PRPF40B: variants seen among roughly 807,000 people sequenced by gnomAD.
PRPF40B encodes the protein pre-mRNA processing factor 40B, also known as pre-mRNA-processing factor 40 homolog B.
PRPF40B carries 56 observed loss-of-function variants against 124.5 expected under a neutral mutation model. The ratio of observed to expected loss-of-function variants is 0.45; its 90% CI spans 0.36 to 0.56. The LOEUF (loss-of-function observed/expected upper bound fraction) is 0.56. PRPF40B is among the 20% of genes least tolerant of loss of function. The probability of loss-of-function intolerance (pLI) is 0.00; values close to 1 mark genes in which losing one functional copy is unlikely to be tolerated. For missense variants in PRPF40B, 1,053 were observed against 1,169.5 expected (o/e 0.90, Z 1.45); for synonymous variants, 443 against 426.4 (o/e 1.04, Z -0.48).
Position 49,642,691 on chromosome 12 carries a change from C to T in PRPF40B, c.2118+16C>T. The T allele has an allele frequency of 1.9e-6, 3 of 1,611,452 alleles. No homozygotes were observed. The highest frequency in any genetic ancestry group is 2.5e-6 in the Non-Finnish European group (3 of 1,178,650). ...GGTGCTGGAGGTGAGGCAGGCTTGT[C>T]CTCTGGATCTGCCTCAGGCCCTTGA... On this transcript the variant is annotated intron_variant, in intron 21 of 25. Coordinates refer to ENST00000548825, the MANE Select transcript of PRPF40B (RefSeq NM_001031698.3). This position sits in a 1 kb window ranked among gnomAD's most constrained non-coding sequence, Gnocchi z 5.8.
intron 4 of PRPF40B, chr12:49,632,213 T>C (rs1941291839): frequency 1.7e-6 from 1 of 587,956 alleles, no homozygotes; most frequent in Admixed American, 3.0e-5. Context: ...GACACATGAA[T>C]ATAGTTCTTC....
chr12:49,643,518 TAGAA>T lies in PRPF40B; in HGVS notation c.2380+126_2380+129del, dbSNP rs1433979779. The T allele has an allele frequency of 4.8e-4, 678 of 1,405,030 alleles. 2 individuals are homozygous for T. Among genetic ancestry groups the T allele is most frequent in the Non-Finnish European group, 1.0e-4 (107 of 1,042,242 alleles). The allele number at this position is 1,405,030 out of a possible 1,614,324, so 87.0% of individuals were successfully genotyped here. On this transcript the variant is annotated intron_variant, in intron 23 of 25. Coordinates refer to ENST00000548825, the MANE Select transcript of PRPF40B (RefSeq NM_001031698.3). ...ATTGGGAGGGCTGCACCTGTGGAAG[TAGAA>T]AGAACTTCCTCTACCTGCCCAAGCA...
intron 18 of PRPF40B, chr12:49,639,587 G>A (rs564183205): frequency 1.3e-5 from 2 of 152,272 alleles, no homozygotes; most frequent in Non-Finnish European, 2.9e-5. Context: ...GGGGGGATTT[G>A]GTGCTGCTTC....
intron 23 of PRPF40B, 117 bp from the exon 24 acceptor site, chr12:49,643,574 T>G (rs766116754): frequency 4.3e-5 from 59 of 1,379,420 alleles, no homozygotes; most frequent in Non-Finnish European, 5.8e-5. Context: ...AAACTGGACT[T>G]AGACTTCCTC....
In PRPF40B at chr12:49,631,356, G is replaced by A. The variant is rs759590938; in HGVS notation, c.85-45G>A. On this transcript the variant is annotated intron_variant, in intron 2 of 25. Transcript: ENST00000548825. This position sits in a 1 kb window ranked among gnomAD's most constrained non-coding sequence, Gnocchi z 4.3. ...ACAGGTCCTCTCTACCTCTGACAAG[G>A]CGATGTCTTCCCTGCTCAGTATCTC... is the stretch of plus-strand genomic sequence containing the variant. The A allele has an allele frequency of 7.0e-7, 1 of 1,420,750 alleles. No homozygotes were observed. Among genetic ancestry groups the A allele is most frequent in the Admixed American group, 2.6e-5 (1 of 38,350 alleles). 88.0% of individuals were successfully genotyped at this position (1,420,750 alleles called of 1,614,324 possible).
In PRPF40B at chr12:49,630,526, C is replaced by T; in HGVS notation, c.4-19C>T. The T allele has an allele frequency of 1.5e-6, 2 of 1,302,724 alleles. No homozygotes were observed. The highest frequency in any genetic ancestry group is 2.2e-6 in the Non-Finnish European group (2 of 918,704). 80.7% of individuals were successfully genotyped at this position (1,302,724 alleles called of 1,614,324 possible). A position where few individuals can be genotyped will look rare whatever the true frequency, so the allele number is the denominator to read the frequency against. ...TCTGTGCCCATCCTGGGTCCTATGA[C>T]TTTTCTCTCCCTCAACAGTCGGTTC... On this transcript the variant is annotated intron_variant, in intron 1 of 25. Coordinates refer to ENST00000548825, the MANE Select transcript of PRPF40B (RefSeq NM_001031698.3).
At chr12:49,632,946 C>A in intron 6 of PRPF40B, 66 bp downstream of exon 6, 1 of 1,610,652 alleles carries the variant, frequency 6.2e-7, no homozygotes, top group Non-Finnish European at 8.5e-7. Context: ...ATAGTTAAAT[C>A]TTTGGGGTGA....
Position 49,631,599 on chromosome 12 carries a change from G to C in PRPF40B, c.228+55G>C, listed in dbSNP as rs1405546736. On this transcript the variant is annotated intron_variant, in intron 3 of 25. Coordinates refer to ENST00000548825, the MANE Select transcript of PRPF40B (RefSeq NM_001031698.3). This position sits in a 1 kb window ranked among gnomAD's most constrained non-coding sequence, Gnocchi z 4.3. Reference sequence around the variant, plus strand: ...GAAAACCCTGTCAGTTTAGCTGGGGGTGGAGATAAGAGCGGGCATGTAGGC... The same window carrying C: ...GAAAACCCTGTCAGTTTAGCTGGGGCTGGAGATAAGAGCGGGCATGTAGGC... 7 of 1,519,602 alleles carry C rather than the reference G, an allele frequency of 4.6e-6. No homozygotes were observed. In the Admixed American group the frequency reaches 1.6e-4, roughly 34 times the overall value. The allele number at this position is 1,519,602 out of a possible 1,614,324, so 94.1% of individuals were successfully genotyped here. A position where few individuals can be genotyped will look rare whatever the true frequency, so the allele number is the denominator to read the frequency against.
intron 18 of PRPF40B, 168 bp from the exon 19 acceptor site, chr12:49,641,740 G>A: frequency 1.6e-6 from 1 of 606,548 alleles, no homozygotes; most frequent in Admixed American, 2.9e-5. Flanking sequence ...GGGCTTAATT[G>A]TCAAGTGATG....
Position 49,631,316 on chromosome 12 carries a change from G to A in PRPF40B, c.85-85G>A. 2 of 975,218 alleles carry A rather than the reference G, an allele frequency of 2.1e-6. No homozygotes were observed. Among genetic ancestry groups the A allele is most frequent in the Non-Finnish European group, 3.0e-6 (2 of 671,422 alleles). 60.4% of individuals were successfully genotyped at this position (975,218 alleles called of 1,614,324 possible). A position where few individuals can be genotyped will look rare whatever the true frequency, so the allele number is the denominator to read the frequency against. On this transcript the variant is annotated intron_variant, in intron 2 of 25. Coordinates refer to ENST00000548825, the MANE Select transcript of PRPF40B (RefSeq NM_001031698.3). The surrounding 1 kb of genome is among the most constrained non-coding windows in gnomAD (Gnocchi z 4.3). ...AGGGTGGAGGGTTGGGGAGGGAGGT[G>A]GTGGATATTTCCTGACAGGTCCTCT...
intron 16 of PRPF40B, chr12:49,637,157 T>G: frequency 1.7e-6 from 1 of 574,076 alleles, no homozygotes; most frequent in Non-Finnish European, 3.1e-6. Context: ...AGGCAGAGTT[T>G]ATTCCCTCAG....
chr12:49,643,430 A>G, intron 23 of PRPF40B, 33 bp downstream of exon 23: 1 of 1,530,514 alleles, frequency 6.5e-7, no homozygotes, highest in African/African-American at 1.4e-5. Flanking sequence ...GAAGCTGGAG[A>G]ACTGTTGTCC....
chr12:49,633,248 C>A, intron 7 of PRPF40B, 124 bp downstream of exon 7: 1 of 1,252,180 alleles, frequency 8.0e-7, no homozygotes, highest in Non-Finnish European at 1.1e-6. Flanking sequence ...CTGACCATTC[C>A]TCACCCTCCC....
intron 16 of PRPF40B, chr12:49,637,087 A>AC: frequency 3.2e-6 from 2 of 628,864 alleles, no homozygotes; most frequent in Non-Finnish European, 5.4e-6. Flanking sequence ...AGTAGAGAGC[A>AC]CCCTACAGGC....
In PRPF40B at chr12:49,644,459, T is replaced by TA. The variant is rs995081579; in HGVS notation, c.*271dup. On this transcript the variant is annotated 3_prime_UTR_variant, in exon 26 of 26. Coordinates refer to ENST00000548825, the MANE Select transcript of PRPF40B (RefSeq NM_001031698.3). The stretch of plus-strand genomic sequence containing the variant: ...ATGTGGGGTGGGTGATGCCAGTAGA[T>TA]AAAAGTGTGAGAGAAGGGGTCTCCA... 2.1e-6 allele frequency: 1 copy of TA among 466,512 alleles called. No homozygotes were observed. The highest frequency in any genetic ancestry group is 4.0e-6 in the Non-Finnish European group (1 of 251,220). The allele number at this position is 466,512 out of a possible 1,614,324, so 28.9% of individuals were successfully genotyped here.
At chr12:49,623,782 C>A in intron 1 of PRPF40B, 189 bp downstream of exon 1, 1 of 119,796 alleles carries the variant, frequency 8.3e-6, no homozygotes, top group Non-Finnish European at 9.8e-6. Context: ...GGCGAAGGGG[C>A]GGGGGAGGCC....
Position 49,643,686 on chromosome 12 carries a change from T to C in PRPF40B, c.2381-5T>C, listed in dbSNP as rs1237836173. On this transcript the variant is annotated splice_region_variant and splice_polypyrimidine_tract_variant and intron_variant, in intron 23 of 25. Coordinates refer to ENST00000548825, the MANE Select transcript of PRPF40B (RefSeq NM_001031698.3). The stretch of plus-strand genomic sequence containing the variant: ...GGGACTTAGTAGGGATTTTTCTATC[T>C]CTAGATCATGGCCTTCGGAAAGCCA... 6.2e-7 allele frequency: 1 copy of C among 1,613,698 alleles called. No homozygotes were observed. The highest frequency in any genetic ancestry group is 8.5e-7 in the Non-Finnish European group (1 of 1,179,882).
At position 49,644,311 on chromosome 12, in the gene PRPF40B, C is replaced by T. The variant is rs1943056301; in HGVS notation, c.*119C>T. 8.9e-7 allele frequency: 1 copy of T among 1,125,384 alleles called. No homozygotes were observed. Among genetic ancestry groups the T allele is most frequent in the Non-Finnish European group, 1.3e-6 (1 of 768,722 alleles). 69.7% of individuals were successfully genotyped at this position (1,125,384 alleles called of 1,614,324 possible). ...TGTGTCCACTTTTTCTAAAGTAACC[C>T]CACCCCCAGCACACCATTGTTGGCA... is the stretch of plus-strand genomic sequence containing the variant. On this transcript the variant is annotated 3_prime_UTR_variant, in exon 26 of 26. Coordinates refer to ENST00000548825, the MANE Select transcript of PRPF40B (RefSeq NM_001031698.3).
intron 12 of PRPF40B, 59 bp downstream of exon 12, chr12:49,634,661 C>G: frequency 6.3e-7 from 1 of 1,598,864 alleles, no homozygotes; most frequent in South Asian, 1.1e-5. Flanking sequence ...CTAGGGACTC[C>G]CTAAAAAACC....
Sources: gnomAD v4.1 joint callset for allele counts on GRCh38, gnomAD v4.1.1 for gene constraint, Gnocchi (gnomAD v3.1) non-coding constraint, MANE v1.5 for transcripts, NCBI Gene and HGNC (gene_info 2026-07-23, HGNC 2026-07-21) for gene names.